Variants in RNF157 observed in about 807,000 individuals in gnomAD.
RNF157 encodes E3 ubiquitin ligase RNF157.
Under a neutral mutation model 88.3 loss-of-function variants are expected in RNF157, and 55 were observed. The ratio of observed to expected loss-of-function variants is 0.62; its 90% CI spans 0.50 to 0.78. The LOEUF (loss-of-function observed/expected upper bound fraction) is 0.78, where lower values mean the gene tolerates loss of function less well. Ranked by LOEUF, RNF157 falls within the 30% of genes least tolerant of loss-of-function variation. RNF157 has a pLI of 0.00. For synonymous variants in RNF157, 334 were observed against 341.2 expected (o/e 0.98, Z 0.23); for missense variants, 788 against 860.8 (o/e 0.92, Z 1.06).
chr17:76,212,582 C>G, intron 1 of RNF157, 100 bp from the exon 2 acceptor site: 4 of 776,056 alleles, frequency 5.2e-6, no homozygotes, highest in Non-Finnish European at 8.4e-6. Context: ...ACCTTTTGGG[C>G]TGTGCGTGGT....
chr17:76,204,782 C>CTTTTT (rs577037374), intron 2 of RNF157, among the ~76,000 whole-genome samples: 1 of 139,758 alleles, frequency 7.2e-6, no homozygotes, highest in Non-Finnish European at 1.5e-5. Context: ...TTCTTTCTTT[C>CTTTTT]TTTTTTTTTT....
intron 1 of RNF157, among the ~76,000 whole-genome samples, chr17:76,213,293 G>A (rs1029856698): frequency 4.6e-5 from 7 of 151,944 alleles, no homozygotes; most frequent in African/African-American, 1.7e-4. Context: ...TATCCAGGCC[G>A]GCATGGTGGC....
At chr17:76,154,355 T>G (rs376844326) in intron 16 of RNF157, 27 bp from the exon 17 acceptor site, 5 of 1,571,628 alleles carry the variant, frequency 3.2e-6, no homozygotes, top group Non-Finnish European at 4.4e-6. Context: ...GCCCTGTGAG[T>G]CTATGAAGCG....
intron 1 of RNF157, among the ~76,000 whole-genome samples, chr17:76,220,989 G>A (rs536607691): frequency 3.9e-5 from 6 of 152,002 alleles, no homozygotes; most frequent in Non-Finnish European, 8.8e-5. Flanking sequence ...CGGCTTGGTG[G>A]CAAGGGCCTT....
chr17:76,176,165 A>G lies in RNF157; in HGVS notation c.208-2375T>C, dbSNP rs142340363. ...AGGAGAGATTGAAAACCAAGAAGAT[A>G]AGGCCCTGCTCTTTCAGGAAGCTGC... On this transcript the variant is annotated intron_variant, in intron 2 of 18. Coordinates refer to ENST00000269391, the MANE Select transcript of RNF157 (RefSeq NM_052916.3). This position sits in a 1 kb window ranked among gnomAD's most constrained non-coding sequence, Gnocchi z 4.2. Among the ~76,000 whole-genome samples, 1 of 152,344 alleles carries G rather than the reference A, an allele frequency of 6.6e-6. No individual in the cohort carries two copies. Among genetic ancestry groups the G allele is most frequent in the Non-Finnish European group, 1.5e-5 (1 of 68,028 alleles).
intron 3 of RNF157, among the ~76,000 whole-genome samples, chr17:76,169,063 G>A (rs151007367): frequency 2.0e-5 from 3 of 152,150 alleles, no homozygotes; most frequent in African/African-American, 7.2e-5. Context: ...CTGGTTCTGA[G>A]AAGTTTTCTT....
At chr17:76,221,253 C>A (rs191047266) in intron 1 of RNF157, among the ~76,000 whole-genome samples, 19 of 152,166 alleles carry the variant, frequency 1.2e-4, no homozygotes, top group African/African-American at 4.6e-4. Context: ...ACCTCTCCCC[C>A]ACAAAAAAGA....
intron 3 of RNF157, among the ~76,000 whole-genome samples, chr17:76,168,322 A>G (rs1381706955): frequency 1.3e-5 from 2 of 152,072 alleles, no homozygotes; most frequent in Non-Finnish European, 2.9e-5. Context: ...TCATGATTTT[A>G]TTATAATAGT....
At chr17:76,210,272 A>C (rs1250003329) in intron 2 of RNF157, among the ~76,000 whole-genome samples, 1 of 152,112 alleles carries the variant, frequency 6.6e-6, no homozygotes, top group Non-Finnish European at 1.5e-5. Context: ...TGGACGAAAA[A>C]TTAGCAGAGG....
chr17:76,219,881 A>G (rs554480033), intron 1 of RNF157, among the ~76,000 whole-genome samples: 10 of 152,344 alleles, frequency 6.6e-5, no homozygotes, highest in Non-Finnish European at 1.3e-4. Flanking sequence ...GCAGATGAGT[A>G]ATTATGTGAT....
At position 76,144,127 on chromosome 17, in the gene RNF157, T is replaced by C. The variant is rs781294436; in HGVS notation, c.*1108A>G. 1 of 152,178 alleles carries C rather than the reference T, an allele frequency of 6.6e-6. No individual in the cohort carries two copies. The highest frequency in any genetic ancestry group is 6.5e-5 in the Admixed American group (1 of 15,270). 9.4% of individuals were successfully genotyped at this position (152,178 alleles called of 1,614,324 possible). A position where few individuals can be genotyped will look rare whatever the true frequency, so the allele number is the denominator to read the frequency against. On this transcript the variant is annotated 3_prime_UTR_variant, in exon 19 of 19. Transcript: ENST00000269391. ...CAGGGACAAGAATGCCACCTCCCAA[T>C]TGAGTGAGGATGAATTATGGTAATA...
intron 1 of RNF157, among the ~76,000 whole-genome samples, chr17:76,220,310 G>A (rs1231683242): frequency 6.9e-6 from 1 of 144,818 alleles, no homozygotes; most frequent in African/African-American, 2.6e-5. Flanking sequence ...GCAGAGCAAA[G>A]ATGGAATATA....
intron 2 of RNF157, among the ~76,000 whole-genome samples, chr17:76,207,934 T>C (rs1264010893): frequency 2.0e-5 from 3 of 152,160 alleles, no homozygotes; most frequent in African/African-American, 7.2e-5. Flanking sequence ...CTTTTATTTA[T>C]TTATTTATTG....
chr17:76,170,891 T>TA (rs1331032329), intron 3 of RNF157, among the ~76,000 whole-genome samples: 1 of 152,118 alleles, frequency 6.6e-6, no homozygotes, highest in Non-Finnish European at 1.5e-5. Flanking sequence ...TTTTAAAATT[T>TA]TTTATTTATT....
intron 2 of RNF157, among the ~76,000 whole-genome samples, chr17:76,200,103 G>A (rs1309190888): frequency 2.0e-5 from 3 of 152,040 alleles, no homozygotes; most frequent in African/African-American, 7.2e-5. Context: ...TTAGCCGGGT[G>A]TGGTGGCGGG....
At chr17:76,171,211 T>TG (rs1357132840) in intron 3 of RNF157, among the ~76,000 whole-genome samples, 3 of 150,348 alleles carry the variant, frequency 2.0e-5, no homozygotes, top group African/African-American at 7.4e-5. Flanking sequence ...ATTTTTTAGT[T>TG]GGAGTCTCAC....
intron 1 of RNF157, among the ~76,000 whole-genome samples, chr17:76,223,802 A>C (rs2070030436): frequency 6.6e-6 from 1 of 152,244 alleles, no homozygotes; most frequent in African/African-American, 2.4e-5. Flanking sequence ...GCCCAACTTT[A>C]TATTTTTGGA....
intron 1 of RNF157, among the ~76,000 whole-genome samples, chr17:76,231,372 C>CTTTAA (rs1221249467): frequency 6.6e-6 from 1 of 152,146 alleles, no homozygotes; most frequent in Non-Finnish European, 1.5e-5. Flanking sequence ...GATACACATC[C>CTTTAA]TTTATGTGAT....
At chr17:76,237,951 G>A (rs975921143) in intron 1 of RNF157, among the ~76,000 whole-genome samples, 1 of 152,078 alleles carries the variant, frequency 6.6e-6, no homozygotes. Context: ...GGGTGTGGTG[G>A]CAAACACCTG....
Sources: allele counts gnomAD v4.1 joint callset (sites outside exome capture counted in the v4.1 genomes callset), GRCh38; gene constraint gnomAD v4.1.1; non-coding constraint Gnocchi (gnomAD v3.1); transcripts MANE v1.5; gene names NCBI Gene and HGNC (gene_info 2026-07-23, HGNC 2026-07-21).